Variants in MTRR observed in about 807,000 individuals in gnomAD.
The protein encoded by MTRR is methionine synthase reductase.
Under a neutral mutation model 79.2 loss-of-function variants are expected in MTRR, and 63 were observed. The ratio of observed to expected loss-of-function variants is 0.80; its 90% confidence interval spans 0.65 to 0.98. MTRR has a LOEUF of 0.98. Ranked by LOEUF, MTRR falls within the 50% of genes least tolerant of loss-of-function variation. The probability of loss-of-function intolerance (pLI) is 0.00; values close to 1 mark genes in which losing one functional copy is unlikely to be tolerated. For missense variants in MTRR, 895 were observed against 839.6 expected (o/e 1.07, Z -0.82); for synonymous variants, 355 against 313.3 (o/e 1.13, Z -1.41).
At chr5:7,891,931 A>G (rs1737669514) in intron 10 of MTRR, among the ~76,000 whole-genome samples, 1 of 152,124 alleles carries the variant, frequency 6.6e-6, no homozygotes, top group African/African-American at 2.4e-5. Flanking sequence ...AGTCCCAGCT[A>G]CTTGGGAGGC....
intron 1 of MTRR, among the ~76,000 whole-genome samples, chr5:7,853,946 A>G (rs1374809495): frequency 6.6e-6 from 1 of 152,156 alleles, no homozygotes; most frequent in Non-Finnish European, 1.5e-5. Flanking sequence ...TGAGGGTGGA[A>G]TGAGATGTGA....
intron 8 of MTRR, among the ~76,000 whole-genome samples, chr5:7,888,712 T>A (rs1038928856): frequency 6.6e-6 from 1 of 152,216 alleles, no homozygotes; most frequent in East Asian, 1.9e-4. Context: ...TAACATTTGA[T>A]GCAGATAATT....
chr5:7,859,338 A>T (rs1746368248), intron 1 of MTRR: 3 of 656,938 alleles, frequency 4.6e-6, no homozygotes, highest in Admixed American at 6.0e-5. Context: ...TCTAGAACAT[A>T]TTCTGCAAAG....
intron 4 of MTRR, 111 bp downstream of exon 4, chr5:7,875,486 CT>C (rs1748720621): frequency 6.1e-6 from 6 of 981,336 alleles, no homozygotes; most frequent in Non-Finnish European, 6.6e-6. Context: ...TCATGTTTTA[CT>C]TTTGTTCGCT....
intron 1 of MTRR, among the ~76,000 whole-genome samples, chr5:7,853,216 TA>T (rs1275852961): frequency 1.3e-5 from 2 of 152,310 alleles, no homozygotes; most frequent in African/African-American, 4.8e-5. Flanking sequence ...GTTCTTGTGA[TA>T]GTGAATTCTC....
upstream of MTRR, chr5:7,867,345 T>C: frequency 6.2e-7 from 1 of 1,614,150 alleles, no homozygotes; most frequent in Admixed American, 1.7e-5. Context: ...GTTTCCAATT[T>C]TTCACCTTGA....
rs1354906729 is a variant in MTRR, at chr5:7,875,239, A to G, written c.284-19A>G. The G allele has an allele frequency of 7.4e-6, 11 of 1,485,884 alleles. No homozygotes were observed. The highest frequency in any genetic ancestry group is 1.4e-5 in the African/African-American group (1 of 72,042). The allele number at this position is 1,485,884 out of a possible 1,614,324, so 92.0% of individuals were successfully genotyped here. On this transcript the variant is annotated intron_variant, in intron 3 of 14. Coordinates refer to ENST00000440940, the MANE Select transcript of MTRR (RefSeq NM_002454.3). ...ATTTAAACTTTATTGTGCATTAATT[A>G]TGTATTTGGGTTCTCTAGGTCTCGG...
intron 1 of MTRR, among the ~76,000 whole-genome samples, chr5:7,852,565 T>C (rs181315073): frequency 2.8e-4 from 43 of 152,162 alleles, no homozygotes; most frequent in African/African-American, 1.0e-3. Flanking sequence ...GCAACCTCAT[T>C]GGAGCCACTT....
chr5:7,888,132 C>T (rs1014624419), intron 8 of MTRR, among the ~76,000 whole-genome samples: 1 of 151,974 alleles, frequency 6.6e-6, no homozygotes, highest in East Asian at 1.9e-4. Context: ...AAAAGGCAAA[C>T]TTTCTTGTAC....
upstream of MTRR, among the ~76,000 whole-genome samples, chr5:7,868,637 G>A (rs949725442): frequency 6.6e-6 from 1 of 152,134 alleles, no homozygotes; most frequent in African/African-American, 2.4e-5. Context: ...GTCGGGAGAA[G>A]GTTAGTGTTG....
intron 1 of MTRR, among the ~76,000 whole-genome samples, chr5:7,858,927 T>G (rs1746346369): frequency 6.6e-6 from 1 of 151,986 alleles, no homozygotes; most frequent in Non-Finnish European, 1.5e-5. Context: ...AAATATTTAT[T>G]AAAAAAAAGT....
At chr5:7,883,718 C>T (rs1272084144) in intron 6 of MTRR, among the ~76,000 whole-genome samples, 2 of 152,178 alleles carry the variant, frequency 1.3e-5, no homozygotes, top group Non-Finnish European at 2.9e-5. Flanking sequence ...TTTCTTTCCA[C>T]TTCAGGGAAG....
rs141986389 is a variant in MTRR, at chr5:7,854,771, C to A, written n.391+3186C>A. Among the ~76,000 whole-genome samples, 17 of 152,296 alleles carry A rather than the reference C, an allele frequency of 1.1e-4. No homozygotes were observed. The East Asian group carries it at 3.3e-3, about 29-fold the overall frequency. Reference sequence around the variant, plus strand: ...ACCATATCAGTCCTACAATCGGCCACCTGCAAGCTGAGGAGCAAGGAGGCC... The same window carrying A: ...ACCATATCAGTCCTACAATCGGCCAACTGCAAGCTGAGGAGCAAGGAGGCC... On this transcript the variant is annotated intron_variant and non_coding_transcript_variant, in intron 1 of 3. Coordinates refer to the MTRR transcript ENST00000502509.
intron 11 of MTRR, 133 bp downstream of exon 11, chr5:7,893,046 C>A (rs1737899760): frequency 9.2e-7 from 1 of 1,086,306 alleles, no homozygotes; most frequent in Non-Finnish European, 1.3e-6. Flanking sequence ...ATTTTAAAAT[C>A]TCTATTGCAA....
intron 6 of MTRR, chr5:7,885,281 C>A (rs1736229205): frequency 5.3e-6 from 1 of 188,684 alleles, no homozygotes; most frequent in Non-Finnish European, 1.1e-5. Context: ...AAATTGAAAA[C>A]CAATGCATTT....
In MTRR at chr5:7,889,185, T is replaced by TA; in HGVS notation, c.1238dup (p.Tyr413Ter). 6.2e-7 allele frequency: 1 copy of TA among 1,614,066 alleles called. No homozygotes were observed. Residue 413 changes from tyrosine to a stop codon, truncating the protein, a stop_gained and frameshift_variant, in exon 9 of 15, where the codon TAT becomes TAAT. Coordinates refer to ENST00000440940, the MANE Select transcript of MTRR (RefSeq NM_002454.3). LOFTEE classifies it high-confidence loss of function. ...ELCSKQGAAD[Y>*]SRFVRDACAC... The stretch of plus-strand genomic sequence containing the variant: ...GTGCAGTAAACAAGGGGCAGCCGAT[T>TA]ATAGCCGCTTTGTACGAGATGCCTG...
chr5:7,885,861 G>T lies in MTRR; in HGVS notation c.1057+7G>T, dbSNP rs767794040. 5 of 1,614,076 alleles carry T rather than the reference G, an allele frequency of 3.1e-6. No individual in the cohort carries two copies. Among genetic ancestry groups the T allele is most frequent in the Non-Finnish European group, 4.2e-6 (5 of 1,179,968 alleles). On this transcript the variant is annotated splice_region_variant and intron_variant, in intron 7 of 14. Transcript: ENST00000440940. ...GCAGACACAAAGAAGAAAGGTAACA[G>T]CCCTGATGCTGTGACGTTGGGGTGT...
intron 1 of MTRR, among the ~76,000 whole-genome samples, chr5:7,855,418 T>TA (rs1553995693): frequency 1.3e-4 from 1 of 7,690 alleles, no homozygotes; most frequent in Non-Finnish European, 3.2e-4. Context: ...AACATTCCAG[T>TA]GGAAAAAAAA....
upstream of MTRR, chr5:7,868,240 A>C: frequency 1.7e-6 from 1 of 588,544 alleles, no homozygotes; most frequent in Non-Finnish European, 2.9e-6. Context: ...TTAACATATA[A>C]ACACCAGAGG....
Sources: gnomAD v4.1 joint callset for allele counts (sites outside exome capture counted in the v4.1 genomes callset) on GRCh38, gnomAD v4.1.1 for gene constraint, MANE v1.5 for transcripts, NCBI Gene and HGNC (gene_info 2026-07-23, HGNC 2026-07-21) for gene names.